Variants in TULP2 observed in about 807,000 individuals in gnomAD.
TULP2 encodes the protein tubby-related protein 2.
Under a neutral mutation model 60.3 loss-of-function variants are expected in TULP2, and 64 were observed. That is an observed-to-expected ratio of 1.06 (90% confidence interval 0.87 to 1.31). The LOEUF is 1.31. Ranked by LOEUF, TULP2 falls within the 50% of genes most tolerant of loss-of-function variation. The pLI, the probability that TULP2 is intolerant of heterozygous loss-of-function variation, is 0.00. For missense variants in TULP2, 652 were observed against 667.0 expected, an observed-to-expected ratio of 0.98 and a Z score of 0.25; for synonymous variants, 267 against 265.4, an observed-to-expected ratio of 1.01 and a Z score of -0.06.
At chr19:48,894,495 G>T (rs748378288) in intron 6 of TULP2, among the ~76,000 whole-genome samples, 8 of 151,946 alleles carry the variant, frequency 5.3e-5, no homozygotes, top group Non-Finnish European at 1.0e-4. Context: ...ACAAAAATTA[G>T]CTGGGCGTGG....
At chr19:48,894,688 T>C (rs545614906) in intron 6 of TULP2, among the ~76,000 whole-genome samples, 40 of 152,264 alleles carry the variant, frequency 2.6e-4, no homozygotes, top group African/African-American at 9.6e-4. Context: ...CTGTATTAGG[T>C]ATTATAAGTT....
At chr19:48,884,081 C>T (rs1449818452) in intron 9 of TULP2, 35 bp from the exon 10 acceptor site, 1 of 1,552,226 alleles carries the variant, frequency 6.4e-7, no homozygotes, top group African/African-American at 1.4e-5. Context: ...AATAAAAATA[C>T]TAAGTGTTAC....
chr19:48,886,798 T>C (rs2037183369), intron 8 of TULP2, among the ~76,000 whole-genome samples: 1 of 150,578 alleles, frequency 6.6e-6, no homozygotes, highest in Admixed American at 6.6e-5. Flanking sequence ...GATCTCCACC[T>C]CCTGGACTCA....
intron 11 of TULP2, among the ~76,000 whole-genome samples, chr19:48,882,957 C>T (rs560196438): frequency 2.0e-5 from 3 of 152,304 alleles, no homozygotes; most frequent in East Asian, 3.9e-4. Context: ...CGGTGGCTCA[C>T]GCCTGTAATC....
chr19:48,884,217 A>G (rs1030212921), intron 9 of TULP2, among the ~76,000 whole-genome samples, 171 bp from the exon 10 acceptor site: 1 of 152,128 alleles, frequency 6.6e-6, no homozygotes, highest in Non-Finnish European at 1.5e-5. Context: ...TAATCCCAGC[A>G]CTTCAGGAGG....
At chr19:48,894,856 A>C (rs984887898) in intron 6 of TULP2, 142 bp downstream of exon 6, 3 of 1,166,508 alleles carry the variant, frequency 2.6e-6, no homozygotes, top group Non-Finnish European at 3.5e-6. Context: ...CGTGTACTGG[A>C]AACCATGGAA....
Position 48,892,597 on chromosome 19 carries a change from G to A in TULP2, c.514+2401C>T, listed in dbSNP as rs113853922. Reference sequence around the variant, plus strand: ...CAGCTCACTGCAAGCTCTGCCTCCCGGGTTCACGCCGTTTTACTGCCTCAG... The same window carrying A: ...CAGCTCACTGCAAGCTCTGCCTCCCAGGTTCACGCCGTTTTACTGCCTCAG... On this transcript the variant is annotated intron_variant, in intron 6 of 12. Coordinates refer to ENST00000221399, the MANE Select transcript of TULP2 (RefSeq NM_003323.3). Among the ~76,000 whole-genome samples, 322 of 151,696 alleles carry A rather than the reference G, an allele frequency of 2.1e-3. 3 individuals are homozygous for A. The highest frequency in any genetic ancestry group is 7.1e-3 in the African/African-American group (295 of 41,332).
chr19:48,895,458 A>G lies in TULP2; in HGVS notation c.257T>C (p.Leu86Pro). 1.5e-5 allele frequency: 24 copies of G among 1,613,214 alleles called. No individual in the cohort carries two copies. The highest frequency in any genetic ancestry group is 2.0e-5 in the Non-Finnish European group (24 of 1,179,356). Residue 86 changes from leucine to proline, a missense_variant, in exon 5 of 13, where the codon CTG becomes CCG. Physicochemically the swap from Leu to Pro is moderately conservative, Grantham distance 98. Coordinates refer to ENST00000221399, the MANE Select transcript of TULP2 (RefSeq NM_003323.3). Reference sequence around the variant, plus strand: ...CAGGGCACTGTGGATGCCAGAGGGCAGATGTGCCTCTGACACTTTCTTCCG... The same window carrying G: ...CAGGGCACTGTGGATGCCAGAGGGCGGATGTGCCTCTGACACTTTCTTCCG... Reference protein sequence around the residue: ...FLRKKVSEAHLPSGIHSALGT... With the variant: ...FLRKKVSEAHPPSGIHSALGT...
At chr19:48,892,902 G>A (rs1312548217) in intron 6 of TULP2, among the ~76,000 whole-genome samples, 1 of 151,422 alleles carries the variant, frequency 6.6e-6, no homozygotes, top group Non-Finnish European at 1.5e-5. Flanking sequence ...CACAGCCTAG[G>A]TGACAGAGTG....
At position 48,897,380 on chromosome 19, in the gene TULP2, G is replaced by A; in HGVS notation, c.49C>T (p.Leu17Phe). The A allele has an allele frequency of 1.9e-6, 3 of 1,613,806 alleles. No individual in the cohort carries two copies. Among genetic ancestry groups the A allele is most frequent in the Non-Finnish European group, 2.5e-6 (3 of 1,179,894 alleles). ...TLMRDILGHE[L>F]AAMRLQKLEQ... ...AGCTTCTGCAGCCTCATAGCAGCGA[G>A]CTCATGCCCCAGGATGCTGAGAGAG... The change falls in exon 3 of 13, where the codon CTC (leucine) becomes TTC (phenylalanine). Residue 17 changes from leucine (L) to phenylalanine (F), a missense_variant. By Grantham distance (22) the Leu-to-Phe change is conservative. Transcript: ENST00000221399. This position sits in a 1 kb window ranked among gnomAD's most constrained non-coding sequence, Gnocchi z 4.0.
intron 9 of TULP2, among the ~76,000 whole-genome samples, chr19:48,884,546 G>A (rs1383369363): frequency 6.6e-6 from 1 of 152,012 alleles, no homozygotes; most frequent in African/African-American, 2.4e-5. Context: ...CAAGGCGGGT[G>A]GATCATCTGT....
At chr19:48,886,298 C>CAAA (rs549692428) in intron 8 of TULP2, among the ~76,000 whole-genome samples, 3 of 96,736 alleles carry the variant, frequency 3.1e-5, no homozygotes, top group African/African-American at 1.3e-4. Context: ...GACTACGTCT[C>CAAA]AAAAAAAAAA....
chr19:48,885,415 C>G (rs756292612), intron 9 of TULP2, 33 bp downstream of exon 9: 2 of 1,588,344 alleles, frequency 1.3e-6, no homozygotes, highest in Non-Finnish European at 1.7e-6. Flanking sequence ...TCCCTGCTAC[C>G]TGCTCCTCAC....
chr19:48,889,345 TGCACGCACGCAC>T (rs372478890), intron 7 of TULP2, among the ~76,000 whole-genome samples, 153 bp downstream of exon 7: 1 of 151,674 alleles, frequency 6.6e-6, no homozygotes, highest in Admixed American at 6.6e-5. Context: ...CACACACACA[TGCACGCACGCAC>T]GCACGCACGC....
At chr19:48,891,158 C>CAA (rs564693397) in intron 6 of TULP2, among the ~76,000 whole-genome samples, 9,330 of 113,284 alleles carry the variant, frequency 0.082, 1,054 homozygotes, top group African/African-American at 0.28. Flanking sequence ...ACTAAAAATA[C>CAA]AAAAAAAAAA....
Position 48,885,388 on chromosome 19 carries a change from T to A in TULP2, c.1061+60A>T, listed in dbSNP as rs180771589. The A allele has an allele frequency of 6.9e-5, 95 of 1,371,458 alleles. 1 individual carries two copies. The East Asian group carries it at 2.2e-3, about 31-fold the overall frequency. 85.0% of individuals were successfully genotyped at this position (1,371,458 alleles called of 1,614,324 possible). On this transcript the variant is annotated intron_variant, in intron 9 of 12. Coordinates refer to ENST00000221399, the MANE Select transcript of TULP2 (RefSeq NM_003323.3). ...CTCTGTGGCCTGCTGGGAAATGGAG[T>A]CCCCCTGTCCCTAAGCTCCCTGCTA...
At chr19:48,888,558 G>T (rs2037204727) in intron 7 of TULP2, among the ~76,000 whole-genome samples, 1 of 152,180 alleles carries the variant, frequency 6.6e-6, no homozygotes, top group Admixed American at 6.6e-5. Context: ...ATACAGCCCA[G>T]ATCTACCCTC....
Position 48,888,147 on chromosome 19 carries a change from C to A in TULP2, c.751G>T (p.Asp251Tyr), listed in dbSNP as rs8112811. ...ALKGEGGTDS[D>Y]HMRHEASLAI... The stretch of plus-strand genomic sequence containing the variant: ...AAGGAGGCTTCGTGCCTCATATGGT[C>A]GCTGTCCGTGCCACCCTCGCCTTTC... Residue 251 changes from aspartate to tyrosine, a missense_variant, in exon 8 of 13, where the codon GAC (aspartate) becomes TAC (tyrosine). Transcript: ENST00000221399. 4.3e-6 allele frequency: 7 copies of A among 1,614,038 alleles called. No homozygotes were observed. The Admixed American group carries it at 1.0e-4, about 23-fold the overall frequency.
rs187248888 is a variant in TULP2 at position 48,882,040 on chromosome 19, G to A, written c.1439C>T (p.Pro480Leu). ...GGTTTCCAGGAGCTCACGGTGTTTG[G>A]GATCCACGATTTGGAAGTTCTTCAC... ...ASVKNFQIVDPKHQEHLVLQF... is the reference protein window; with the variant it reads ...ASVKNFQIVDLKHQEHLVLQF... Residue 480 changes from proline (P) to leucine (L), a missense_variant, in exon 12 of 13, where the codon CCC (proline) becomes CTC (leucine). Physicochemically the swap from Pro to Leu is moderately conservative, Grantham distance 98. Transcript: ENST00000221399. 8.1e-6 allele frequency: 13 copies of A among 1,614,160 alleles called. No homozygotes were observed. In the Admixed American group the frequency reaches 1.5e-4, roughly 19 times the overall value.
Sources: allele counts gnomAD v4.1 joint callset (sites outside exome capture counted in the v4.1 genomes callset), GRCh38; gene constraint gnomAD v4.1.1; non-coding constraint Gnocchi (gnomAD v3.1); transcripts MANE v1.5; gene names NCBI Gene and HGNC (gene_info 2026-07-23, HGNC 2026-07-21).